Variants in PPP1R16B observed in about 807,000 individuals in gnomAD.
The protein encoded by PPP1R16B is protein phosphatase 1 regulatory inhibitor subunit 16B.
In PPP1R16B, 14 loss-of-function variants were observed where a neutral mutation model predicts 61.7. The ratio of observed to expected loss-of-function variants is 0.23; its 90% CI spans 0.15 to 0.35. The LOEUF (loss-of-function observed/expected upper bound fraction) is 0.35, where lower values mean the gene tolerates loss of function less well. Among genes scored for constraint, PPP1R16B ranks in the 10% least tolerant of loss-of-function variants. The probability of loss-of-function intolerance (pLI) is 1.00; values close to 1 mark genes in which losing one functional copy is unlikely to be tolerated. For synonymous variants in PPP1R16B, 266 were observed against 305.3 expected, an observed-to-expected ratio of 0.87 and a Z score of 1.34; for missense variants, 547 against 752.5, an observed-to-expected ratio of 0.73 and a Z score of 3.19.
chr20:38,809,926 A>G (rs1199841506), intron 1 of PPP1R16B, among the ~76,000 whole-genome samples: 1 of 138,036 alleles, frequency 7.2e-6, no homozygotes, highest in Non-Finnish European at 1.5e-5. Context: ...GGCTCCTGTG[A>G]GCCATGATTG....
intron 1 of PPP1R16B, among the ~76,000 whole-genome samples, chr20:38,812,954 T>C (rs1568650304): frequency 6.6e-6 from 1 of 152,192 alleles, no homozygotes; most frequent in African/African-American, 2.4e-5. Context: ...TATGGAGTTT[T>C]CTGCATTTCT....
At chr20:38,873,673 A>G (rs991181177) in intron 2 of PPP1R16B, among the ~76,000 whole-genome samples, 47 of 151,880 alleles carry the variant, frequency 3.1e-4, no homozygotes, top group African/African-American at 1.1e-3. Flanking sequence ...CTAAGTCCAC[A>G]CTATGACAGC....
At chr20:38,813,767 CATTATTATT>C (rs371284370) in intron 1 of PPP1R16B, among the ~76,000 whole-genome samples, 4,211 of 132,016 alleles carry the variant, frequency 0.032, 93 homozygotes, top group African/African-American at 0.06. Context: ...TCATCATCAT[CATTATTATT>C]ATTATTATTA....
intron 2 of PPP1R16B, among the ~76,000 whole-genome samples, chr20:38,843,863 G>T (rs570949628): frequency 6.6e-6 from 1 of 152,110 alleles, no homozygotes; most frequent in Non-Finnish European, 1.5e-5. Context: ...TATCTTATCT[G>T]CTTCTGCCTT....
rs139312593 is a variant in PPP1R16B, at chr20:38,887,736, G to A, written c.251-1859G>A. 8.6e-3 allele frequency among the ~76,000 whole-genome samples: 1,308 copies of A among 152,366 alleles called. 7 individuals carry two copies. The highest frequency in any genetic ancestry group is 0.014 in the Non-Finnish European group (968 of 68,040). On this transcript the variant is annotated intron_variant, in intron 2 of 10. Coordinates refer to ENST00000299824, the MANE Select transcript of PPP1R16B (RefSeq NM_015568.4). ...CAGGACAGCGCCAAAGGATCTGACC[G>A]TACTGGACAAAGTCCTGTCATGCTT...
chr20:38,823,999 T>C (rs1452434988), intron 1 of PPP1R16B, among the ~76,000 whole-genome samples: 1 of 152,128 alleles, frequency 6.6e-6, no homozygotes, highest in Non-Finnish European at 1.5e-5. Context: ...TCAAAACAGA[T>C]GCCAGACTAA....
At chr20:38,822,034 T>C (rs2084776627) in intron 1 of PPP1R16B, among the ~76,000 whole-genome samples, 1 of 147,510 alleles carries the variant, frequency 6.8e-6, no homozygotes, top group African/African-American at 2.5e-5. Context: ...TTATATATAA[T>C]TTATAATATA....
intron 1 of PPP1R16B, among the ~76,000 whole-genome samples, chr20:38,816,510 A>G (rs1371359931): frequency 1.3e-5 from 2 of 152,068 alleles, no homozygotes; most frequent in Non-Finnish European, 2.9e-5. Context: ...TTGTAAAGGG[A>G]CCTCCTTCTC....
At position 38,813,933 on chromosome 20, in the gene PPP1R16B, A is replaced by G. The variant is rs2084718732; in HGVS notation, c.-102+8141A>G. Among the ~76,000 whole-genome samples, 2 of 151,896 alleles carry G rather than the reference A, an allele frequency of 1.3e-5. 1 individual carries two copies. Among genetic ancestry groups the G allele is most frequent in the South Asian group, 4.2e-4 (2 of 4,782 alleles). On this transcript the variant is annotated intron_variant, in intron 1 of 10. Coordinates refer to ENST00000299824, the MANE Select transcript of PPP1R16B (RefSeq NM_015568.4). Reference sequence around the variant, plus strand: ...TGCCTCAGCCTCCTGAGTAGCTGAGATTACAGGCACCCGCCACCACTCCTG... The same window carrying G: ...TGCCTCAGCCTCCTGAGTAGCTGAGGTTACAGGCACCCGCCACCACTCCTG...
intron 2 of PPP1R16B, among the ~76,000 whole-genome samples, chr20:38,859,768 G>A (rs2085034818): frequency 6.6e-6 from 1 of 152,176 alleles, no homozygotes; most frequent in Admixed American, 6.5e-5. Context: ...TGGGGTTATA[G>A]GCATGAGCCA....
In PPP1R16B at chr20:38,836,187, T is replaced by C; in HGVS notation, c.250+12T>C. 6.2e-7 allele frequency: 1 copy of C among 1,602,966 alleles called. No homozygotes were observed. Among genetic ancestry groups the C allele is most frequent in the Non-Finnish European group, 8.5e-7 (1 of 1,175,342 alleles). The stretch of plus-strand genomic sequence containing the variant: ...CGACGCCGAGGAAGGTAGGCCCCTC[T>C]GTGCCTTGGCGGCCACGCAGCTGCC... On this transcript the variant is annotated intron_variant, in intron 2 of 10. Coordinates refer to ENST00000299824, the MANE Select transcript of PPP1R16B (RefSeq NM_015568.4).
intron 2 of PPP1R16B, among the ~76,000 whole-genome samples, chr20:38,885,611 C>A (rs1173323432): frequency 6.6e-6 from 1 of 152,146 alleles, no homozygotes; most frequent in Non-Finnish European, 1.5e-5. Flanking sequence ...GTGCCAAATC[C>A]CTGCTCCTTA....
At chr20:38,861,247 G>A (rs1307657423) in intron 2 of PPP1R16B, among the ~76,000 whole-genome samples, 2 of 152,224 alleles carry the variant, frequency 1.3e-5, no homozygotes, top group Non-Finnish European at 2.9e-5. Flanking sequence ...GAGCTACCTG[G>A]TGGGATGTTG....
chr20:38,873,743 G>GTTTTTT (rs36003556), intron 2 of PPP1R16B, among the ~76,000 whole-genome samples: 6 of 140,734 alleles, frequency 4.3e-5, no homozygotes, highest in Admixed American at 7.1e-5. Flanking sequence ...TCTTTTTTTT[G>GTTTTTT]TTTTTTTTTT....
intron 2 of PPP1R16B, among the ~76,000 whole-genome samples, chr20:38,882,200 T>A (rs2085208134): frequency 6.6e-6 from 1 of 151,722 alleles, no homozygotes; most frequent in South Asian, 2.1e-4. Flanking sequence ...GAATGAGGAG[T>A]GGGATCCTGG....
intron 2 of PPP1R16B, among the ~76,000 whole-genome samples, chr20:38,843,049 G>T (rs1255630884): frequency 6.6e-6 from 1 of 152,310 alleles, no homozygotes; most frequent in Admixed American, 6.5e-5. Flanking sequence ...AGTTTGTAAA[G>T]GGTTTAGGGA....
intron 2 of PPP1R16B, among the ~76,000 whole-genome samples, chr20:38,884,220 C>A (rs1055033707): frequency 6.6e-6 from 1 of 152,240 alleles, no homozygotes; most frequent in Non-Finnish European, 1.5e-5. Context: ...CCTGGCGTGG[C>A]TGAGCAGGCT....
In PPP1R16B at chr20:38,863,927, G is replaced by A. The variant is rs1458026572; in HGVS notation, c.251-25668G>A. On this transcript the variant is annotated intron_variant, in intron 2 of 10. Transcript: ENST00000299824. Reference sequence around the variant, plus strand: ...CATTTCTCACAATCACCCCAAAGTGGAAACAACCCAAATGTCCATCAACTG... The same window carrying A: ...CATTTCTCACAATCACCCCAAAGTGAAAACAACCCAAATGTCCATCAACTG... Among the ~76,000 whole-genome samples, 3 of 152,194 alleles carry A rather than the reference G, an allele frequency of 2.0e-5. No individual in the cohort carries two copies. The East Asian group carries it at 5.8e-4, about 29-fold the overall frequency.
At chr20:38,878,244 G>A (rs1019016136) in intron 2 of PPP1R16B, among the ~76,000 whole-genome samples, 1 of 152,130 alleles carries the variant, frequency 6.6e-6, no homozygotes, top group Non-Finnish European at 1.5e-5. Context: ...TCCCCAGGCA[G>A]ACACTTGTTC....
Sources: gnomAD v4.1 joint callset for allele counts (sites outside exome capture counted in the v4.1 genomes callset) on GRCh38, gnomAD v4.1.1 for gene constraint, MANE v1.5 for transcripts, NCBI Gene and HGNC (gene_info 2026-07-23, HGNC 2026-07-21) for gene names.